The following ZFHX3 variants were observed in gnomAD, a reference collection of about 807,000 sequenced individuals.
ZFHX3 encodes the protein zinc finger homeobox 3, also known as zinc finger homeobox protein 3.
ZFHX3 carries 42 observed loss-of-function variants against 279.1 expected under a neutral mutation model. The observed-to-expected ratio is 0.15, with a 90% CI of 0.12 to 0.19. ZFHX3 has a LOEUF of 0.19. ZFHX3 is among the 10% of genes least tolerant of loss of function. The pLI, the probability that ZFHX3 is intolerant of heterozygous loss-of-function variation, is 1.00. For missense variants in ZFHX3, 4,981 were observed against 4,754.0 expected (o/e 1.05, Z -1.40); for synonymous variants, 2,293 against 1,957.8 (o/e 1.17, Z -4.52).
At chr16:73,711,574 G>A (rs2053363398) in intron 1 of ZFHX3, among the ~76,000 whole-genome samples, 1 of 152,132 alleles carries the variant, frequency 6.6e-6, no homozygotes, top group South Asian at 2.1e-4. Context: ...GTCTTCTGAA[G>A]TGGGGGTGCA....
chr16:73,832,330 CACTTGGGGCTGCTTGG>C (rs1185577443), intron 1 of ZFHX3, among the ~76,000 whole-genome samples: 77 of 152,192 alleles, frequency 5.1e-4, no homozygotes, highest in African/African-American at 1.8e-3. Flanking sequence ...AGTTCCAGCT[CACTTGGGGCTGCTTGG>C]ACATAAGCCC....
intron 3 of ZFHX3, among the ~76,000 whole-genome samples, chr16:73,355,706 C>T (rs2016328321): frequency 6.6e-6 from 1 of 152,208 alleles, no homozygotes; most frequent in Admixed American, 6.5e-5. Flanking sequence ...CAACTGCTCC[C>T]TCTGCTTAAT....
At chr16:73,399,025 C>T (rs1167735804) in intron 3 of ZFHX3, among the ~76,000 whole-genome samples, 2 of 135,596 alleles carry the variant, frequency 1.5e-5, no homozygotes, top group Non-Finnish European at 3.2e-5. Context: ...CCACCATGCC[C>T]CCCGCTAATT....
chr16:73,352,336 A>G (rs143359067), intron 3 of ZFHX3, among the ~76,000 whole-genome samples: 3 of 152,268 alleles, frequency 2.0e-5, no homozygotes, highest in Admixed American at 2.0e-4. Context: ...AAGCATGGGC[A>G]ATAGCTTGAC....
chr16:73,743,914 T>C (rs388379), intron 1 of ZFHX3, among the ~76,000 whole-genome samples: 12,176 of 152,158 alleles, frequency 0.08, 685 homozygotes, highest in African/African-American at 0.15. Context: ...CCTGGACAAC[T>C]CTACTGGGTG....
intron 1 of ZFHX3, among the ~76,000 whole-genome samples, chr16:73,055,723 T>TACACAC (rs1306492960): frequency 3.7e-4 from 31 of 83,198 alleles, no homozygotes; most frequent in Admixed American, 2.4e-3. Flanking sequence ...CACACACACA[T>TACACAC]ACACACACAC....
chr16:73,677,236 T>A (rs2142191320), intron 2 of ZFHX3, among the ~76,000 whole-genome samples: 1 of 132,838 alleles, frequency 7.5e-6, no homozygotes, highest in South Asian at 2.5e-4. Context: ...AATAATAACA[T>A]GATGTCATAA....
chr16:72,853,146 A>C (rs2037662698), intron 4 of ZFHX3, among the ~76,000 whole-genome samples: 1 of 152,236 alleles, frequency 6.6e-6, no homozygotes, highest in South Asian at 2.1e-4. Flanking sequence ...CACCATGCTA[A>C]GGCTCTAAGT....
intron 1 of ZFHX3, among the ~76,000 whole-genome samples, chr16:73,802,983 A>G (rs998337063): frequency 6.6e-6 from 1 of 152,124 alleles, no homozygotes; most frequent in Non-Finnish European, 1.5e-5. Context: ...ACACCCAGCT[A>G]ATTTTTGCTT....
At chr16:73,588,985 G>C (rs906281218) in intron 2 of ZFHX3, among the ~76,000 whole-genome samples, 15 of 151,542 alleles carry the variant, frequency 9.9e-5, no homozygotes, top group African/African-American at 3.6e-4. Flanking sequence ...CCTTGGCCAG[G>C]CATGGTGGCT....
intron 2 of ZFHX3, among the ~76,000 whole-genome samples, chr16:73,544,433 G>A (rs1294229635): frequency 6.6e-6 from 1 of 152,168 alleles, no homozygotes; most frequent in Non-Finnish European, 1.5e-5. Flanking sequence ...GGAGGTCAGC[G>A]ACAGCCAAGC....
upstream of ZFHX3, chr16:73,059,768 T>C (rs1282702253): frequency 3.9e-5 from 6 of 152,148 alleles, no homozygotes; most frequent in Non-Finnish European, 8.8e-5. Context: ...GAAGAAAATA[T>C]GGAGAAAACT....
exon 3 of ZFHX3, chr16:73,456,243 CT>C (rs2018369145): frequency 6.6e-6 from 1 of 152,124 alleles, no homozygotes; most frequent in Non-Finnish European, 1.5e-5. Context: ...ATACTTGTTC[CT>C]TGTTCTCCAA....
At chr16:73,047,227 C>T (rs1965331125) in intron 1 of ZFHX3, among the ~76,000 whole-genome samples, 1 of 152,120 alleles carries the variant, frequency 6.6e-6, no homozygotes, top group African/African-American at 2.4e-5. Flanking sequence ...CCCCACCCCG[C>T]CCCTGCCCAA....
chr16:72,851,782 C>G (rs1597310438), intron 4 of ZFHX3, among the ~76,000 whole-genome samples: 1 of 152,052 alleles, frequency 6.6e-6, no homozygotes, highest in African/African-American at 2.4e-5. Flanking sequence ...AACTCCTGAC[C>G]CCAAGTGATC....
intron 4 of ZFHX3, among the ~76,000 whole-genome samples, chr16:72,848,340 A>G (rs779104647): frequency 3.3e-5 from 5 of 151,860 alleles, no homozygotes; most frequent in Non-Finnish European, 7.4e-5. Flanking sequence ...GATCTGCCGC[A>G]CACTCGGTGC....
At chr16:72,971,657 G>A (rs1278722400) in intron 1 of ZFHX3, among the ~76,000 whole-genome samples, 1 of 152,004 alleles carries the variant, frequency 6.6e-6, no homozygotes, top group Admixed American at 6.6e-5. Flanking sequence ...GTGCCAAACT[G>A]TCCCCCAGGA....
At position 73,080,885 on chromosome 16, in the gene ZFHX3, G is replaced by C. The variant is rs946862214; in HGVS notation, c.-533+12350C>G. ...TGTGAGCCACTGTGCTCAGCCAGGT[G>C]ATTCTTAAATGTGCCCAAAAGTCTG... On this transcript the variant is annotated intron_variant, in intron 8 of 17. Coordinates refer to the ZFHX3 transcript ENST00000641206. 3.9e-5 allele frequency among the ~76,000 whole-genome samples: 6 copies of C among 152,144 alleles called. No individual in the cohort carries two copies. In the East Asian group the frequency reaches 1.2e-3, roughly 30 times the overall value.
intron 1 of ZFHX3, among the ~76,000 whole-genome samples, chr16:73,760,227 G>T (rs1472811831): frequency 6.6e-6 from 1 of 152,076 alleles, no homozygotes; most frequent in African/African-American, 2.4e-5. Flanking sequence ...GCTTTCCCAA[G>T]ACTGAACCAG....
Sources: allele counts gnomAD v4.1 joint callset (sites outside exome capture counted in the v4.1 genomes callset), GRCh38; gene constraint gnomAD v4.1.1; transcripts MANE v1.5; gene names NCBI Gene and HGNC (gene_info 2026-07-23, HGNC 2026-07-21).